Variants in ASCC3 observed in about 807,000 individuals in gnomAD.
ASCC3 encodes the protein ASC-1 complex subunit P200.
A neutral mutation model predicts 256.3 loss-of-function variants in ASCC3; 158 were observed. The ratio of observed to expected loss-of-function variants is 0.62; its 90% CI spans 0.54 to 0.70. ASCC3 has a LOEUF of 0.70. ASCC3 is among the 30% of genes least tolerant of loss of function. The pLI is 0.00. For missense variants in ASCC3, 2,259 were observed against 2,626.0 expected (o/e 0.86, Z 3.05); for synonymous variants, 948 against 883.4 (o/e 1.07, Z -1.30).
intron 36 of ASCC3, among the ~76,000 whole-genome samples, chr6:100,578,588 T>G (rs985486431): frequency 2.0e-5 from 3 of 152,058 alleles, no homozygotes; most frequent in African/African-American, 7.2e-5. Flanking sequence ...CTGCAAAGAA[T>G]ATGATTTCAT....
At chr6:100,733,904 C>T (rs1031515807) in intron 10 of ASCC3, among the ~76,000 whole-genome samples, 2 of 152,040 alleles carry the variant, frequency 1.3e-5, no homozygotes, top group Non-Finnish European at 2.9e-5. Context: ...TATATATATC[C>T]CTTTAAAAAC....
intron 34 of ASCC3, 83 bp from the exon 35 acceptor site, chr6:100,590,142 A>T: frequency 2.2e-6 from 2 of 901,212 alleles, no homozygotes; most frequent in South Asian, 2.8e-5. Context: ...GAATATATAT[A>T]AATATAATCC....
chr6:100,826,224 C>T (rs1486482789), intron 4 of ASCC3, among the ~76,000 whole-genome samples: 3 of 151,898 alleles, frequency 2.0e-5, no homozygotes, highest in Admixed American at 6.6e-5. Context: ...CTCTGCCTCC[C>T]GGATTCAAGC....
At chr6:100,612,751 A>G (rs868697869) in intron 30 of ASCC3, among the ~76,000 whole-genome samples, 1 of 152,070 alleles carries the variant, frequency 6.6e-6, no homozygotes, top group African/African-American at 2.4e-5. Flanking sequence ...ACTAATAAAA[A>G]AGAATTCAAG....
intron 37 of ASCC3, among the ~76,000 whole-genome samples, chr6:100,525,075 G>A (rs1266446369): frequency 3.5e-5 from 5 of 141,284 alleles, no homozygotes; most frequent in Admixed American, 7.7e-5. Context: ...GTTACTTGGA[G>A]CCTGAGGTGG....
chr6:100,592,156 T>C (rs76465637), intron 34 of ASCC3, among the ~76,000 whole-genome samples: 1 of 146,636 alleles, frequency 6.8e-6, no homozygotes, highest in African/African-American at 2.5e-5. Context: ...AAAAAAAAAA[T>C]CAACCTAAAT....
chr6:100,587,448 G>T (rs915449272), intron 36 of ASCC3, among the ~76,000 whole-genome samples: 1 of 152,102 alleles, frequency 6.6e-6, no homozygotes, highest in Non-Finnish European at 1.5e-5. Flanking sequence ...TAATTCCTAG[G>T]CAAGAAATTA....
At chr6:100,835,692 G>A in intron 4 of ASCC3, among the ~76,000 whole-genome samples, 1 of 151,962 alleles carries the variant, frequency 6.6e-6, no homozygotes, top group Admixed American at 6.6e-5. Flanking sequence ...TATATTTTGA[G>A]GTCTGGTAGT....
intron 10 of ASCC3, among the ~76,000 whole-genome samples, chr6:100,749,278 G>T (rs1780830728): frequency 6.6e-6 from 1 of 152,050 alleles, no homozygotes; most frequent in East Asian, 1.9e-4. Context: ...GCTATCAAAT[G>T]TCACATAATA....
At chr6:100,879,575 C>G (rs957562434) in intron 1 of ASCC3, among the ~76,000 whole-genome samples, 39 of 152,244 alleles carry the variant, frequency 2.6e-4, no homozygotes, top group African/African-American at 7.9e-4. Flanking sequence ...CTGCTTGAGC[C>G]TAGGGGTTCC....
chr6:100,799,229 G>A (rs1257250754), intron 7 of ASCC3, among the ~76,000 whole-genome samples: 1 of 151,992 alleles, frequency 6.6e-6, no homozygotes, highest in African/African-American at 2.4e-5. Context: ...ACAATGAAAA[G>A]GAGGGAAACA....
intron 29 of ASCC3, among the ~76,000 whole-genome samples, chr6:100,627,074 T>C (rs1281981951): frequency 1.3e-5 from 2 of 152,166 alleles, no homozygotes; most frequent in African/African-American, 2.4e-5. Flanking sequence ...TTGAGGTTAT[T>C]TTTAATTGAT....
At position 100,867,957 on chromosome 6, in the gene ASCC3, G is replaced by A; in HGVS notation, c.41C>T (p.Ser14Leu). The change falls in exon 2 of 42, where the codon TCA (serine) becomes TTA (leucine). Residue 14 changes from serine to leucine, a missense_variant. By Grantham distance (145) the Ser-to-Leu change is moderately radical (BLOSUM62 -2). Transcript: ENST00000369162. Reference protein sequence around the residue: ...PRLTGALRSFSNVTKQDNYNE... With the variant: ...PRLTGALRSFLNVTKQDNYNE... ...ATAATTATCTTGCTTGGTGACATTT[G>A]AAAAGGAACGCAAGGCTCCTGTGAG... 1 of 1,613,780 alleles carries A rather than the reference G, an allele frequency of 6.2e-7. No individual in the cohort carries two copies. Among genetic ancestry groups the A allele is most frequent in the Non-Finnish European group, 8.5e-7 (1 of 1,179,824 alleles).
At chr6:100,716,617 C>T (rs570800047) in intron 12 of ASCC3, among the ~76,000 whole-genome samples, 3 of 152,068 alleles carry the variant, frequency 2.0e-5, no homozygotes, top group South Asian at 4.1e-4. Flanking sequence ...CCACCCTCTA[C>T]AAAAGACAAA....
chr6:100,850,317 T>C (rs181780017), intron 3 of ASCC3, among the ~76,000 whole-genome samples: 10 of 152,290 alleles, frequency 6.6e-5, no homozygotes, highest in African/African-American at 2.4e-4. Flanking sequence ...TGCCTATTTC[T>C]ATATCATACT....
chr6:100,640,676 G>T (rs542472097), intron 24 of ASCC3, among the ~76,000 whole-genome samples: 1 of 152,140 alleles, frequency 6.6e-6, no homozygotes, highest in East Asian at 1.9e-4. Context: ...AAGAAGACTG[G>T]AAAGATTCCC....
chr6:100,538,133 A>C (rs1775259106), intron 37 of ASCC3, among the ~76,000 whole-genome samples: 1 of 151,310 alleles, frequency 6.6e-6, no homozygotes, highest in Non-Finnish European at 1.5e-5. Flanking sequence ...ATGTACAATC[A>C]ATATATCTGC....
At chr6:100,563,737 GAAT>G (rs1257384705) in intron 36 of ASCC3, among the ~76,000 whole-genome samples, 1 of 152,036 alleles carries the variant, frequency 6.6e-6, no homozygotes, top group Non-Finnish European at 1.5e-5. Flanking sequence ...TATTAGAACA[GAAT>G]AATGATACTT....
intron 36 of ASCC3, among the ~76,000 whole-genome samples, chr6:100,569,795 A>G (rs1348005432): frequency 6.6e-6 from 1 of 152,202 alleles, no homozygotes; most frequent in Admixed American, 6.5e-5. Flanking sequence ...GAATTTTAAA[A>G]TAGGTTTTCC....
Sources: allele counts gnomAD v4.1 joint callset (sites outside exome capture counted in the v4.1 genomes callset), GRCh38; gene constraint gnomAD v4.1.1; transcripts MANE v1.5; gene names NCBI Gene and HGNC (gene_info 2026-07-23, HGNC 2026-07-21).